Variants in INPP4B observed in about 807,000 individuals in gnomAD.
INPP4B encodes inositol polyphosphate 4-phosphatase type II.
Under a neutral mutation model 122.5 loss-of-function variants are expected in INPP4B, and 55 were observed. The observed-to-expected ratio is 0.45, with a 90% CI of 0.36 to 0.56. INPP4B has a LOEUF of 0.56. Ranked by LOEUF, INPP4B falls within the 20% of genes least tolerant of loss-of-function variation. The pLI, the probability that INPP4B is intolerant of heterozygous loss-of-function variation, is 0.00. For missense variants in INPP4B, 1,000 were observed against 1,097.7 expected (o/e 0.91, Z 1.26); for synonymous variants, 403 against 388.7 (o/e 1.04, Z -0.43).
At chr4:142,407,945 A>T (rs1160813748) in intron 5 of INPP4B, among the ~76,000 whole-genome samples, 4 of 152,224 alleles carry the variant, frequency 2.6e-5, no homozygotes, top group Non-Finnish European at 5.9e-5. Flanking sequence ...ATCAACATTT[A>T]CCAATATCTG....
chr4:142,176,116 CTTTTA>C, intron 15 of INPP4B, among the ~76,000 whole-genome samples: 1 of 50,776 alleles, frequency 2.0e-5, no homozygotes, highest in African/African-American at 5.8e-5. Flanking sequence ...TGACTGCTTT[CTTTTA>C]TTATTATTAT....
chr4:142,378,372 C>G (rs1792792533), intron 7 of INPP4B, among the ~76,000 whole-genome samples: 1 of 152,140 alleles, frequency 6.6e-6, no homozygotes, highest in Non-Finnish European at 1.5e-5. Flanking sequence ...GTTTAAAAAC[C>G]TTGCTCGGGC....
At chr4:142,678,510 A>T (rs1048800647) in intron 2 of INPP4B, among the ~76,000 whole-genome samples, 11 of 151,986 alleles carry the variant, frequency 7.2e-5, no homozygotes, top group African/African-American at 2.2e-4. Flanking sequence ...TTACAAATTT[A>T]GATTTGGAAC....
At chr4:142,567,354 A>C (rs555011071) in intron 2 of INPP4B, among the ~76,000 whole-genome samples, 2 of 152,198 alleles carry the variant, frequency 1.3e-5, no homozygotes. Flanking sequence ...ACAGGAAAGG[A>C]GGGGCAGGGC....
intron 1 of INPP4B, among the ~76,000 whole-genome samples, chr4:142,754,369 A>G (rs1770184516): frequency 6.6e-6 from 1 of 151,834 alleles, no homozygotes; most frequent in African/African-American, 2.4e-5. Flanking sequence ...ATTGCTTGGA[A>G]CCCAAATCAT....
At chr4:142,185,857 C>T (rs1006896141) in intron 15 of INPP4B, among the ~76,000 whole-genome samples, 15 of 130,982 alleles carry the variant, frequency 1.1e-4, no homozygotes, top group African/African-American at 3.0e-4. Context: ...ACCTCCTGGG[C>T]GACAGAGCAA....
intron 1 of INPP4B, among the ~76,000 whole-genome samples, chr4:142,825,011 C>T (rs1275477623): frequency 6.6e-6 from 1 of 151,884 alleles, no homozygotes; most frequent in Admixed American, 6.6e-5. Context: ...ATTATGACAA[C>T]CTTGTGAAAT....
At chr4:142,760,431 A>G (rs989211074) in intron 1 of INPP4B, among the ~76,000 whole-genome samples, 2 of 152,170 alleles carry the variant, frequency 1.3e-5, no homozygotes, top group African/African-American at 4.8e-5. Context: ...GTTTTATTCA[A>G]ATAGACAATT....
chr4:142,124,658 T>C lies in INPP4B; in HGVS notation c.1823A>G (p.Gln608Arg). The change falls in exon 19 of 26, where the codon CAG becomes CGG. Residue 608 changes from glutamine to arginine, a missense_variant. By Grantham distance (43) the Gln-to-Arg change is conservative. Coordinates refer to ENST00000262992, the MANE Select transcript of INPP4B (RefSeq NM_001101669.3). ...CTGGGGCAAGCTGTACGCAAGTTCCTGAAGGAGCACAAATGTCAGGGACTG... is the reference window on the plus strand; with the variant it reads ...CTGGGGCAAGCTGTACGCAAGTTCCCGAAGGAGCACAAATGTCAGGGACTG... ...AKQSLTFVLL[Q>R]ELAYSLPQCL... is the part of the protein sequence containing the mutation. The C allele has an allele frequency of 6.2e-7, 1 of 1,613,492 alleles. No homozygotes were observed. Among genetic ancestry groups the C allele is most frequent in the African/African-American group, 1.3e-5 (1 of 75,002 alleles).
intron 22 of INPP4B, among the ~76,000 whole-genome samples, chr4:142,108,742 G>T (rs1181880018): frequency 1.3e-5 from 2 of 152,036 alleles, no homozygotes; most frequent in Non-Finnish European, 2.9e-5. Context: ...AAGTCAAATG[G>T]TTCTGTACAC....
chr4:142,603,516 TA>T (rs1027895074), intron 2 of INPP4B, among the ~76,000 whole-genome samples: 2 of 149,930 alleles, frequency 1.3e-5, no homozygotes, highest in Admixed American at 1.3e-4. Context: ...AATCAGAAAT[TA>T]AAAAAGGTGA....
rs575296447 is a variant in INPP4B at position 142,063,295 on chromosome 4, G to C, written c.2642+18736C>G. Among the ~76,000 whole-genome samples, 154 of 152,206 alleles carry C rather than the reference G, an allele frequency of 1.0e-3. 1 individual carries two copies. The highest frequency in any genetic ancestry group is 3.7e-3 in the African/African-American group (152 of 41,524). On this transcript the variant is annotated intron_variant, in intron 25 of 25. Coordinates refer to ENST00000262992, the MANE Select transcript of INPP4B (RefSeq NM_001101669.3). ...GAAAAGAATGCCCTGCCTGACTGAA[G>C]ACCCATACTATCCACCCTGCCCAGG...
chr4:142,765,000 T>C (rs757880882), intron 1 of INPP4B, among the ~76,000 whole-genome samples: 1 of 151,980 alleles, frequency 6.6e-6, no homozygotes, highest in Admixed American at 6.6e-5. Flanking sequence ...TTGAAAAAAG[T>C]GAAAAACATT....
At chr4:142,232,354 T>A (rs1854762069) in intron 12 of INPP4B, among the ~76,000 whole-genome samples, 1 of 152,184 alleles carries the variant, frequency 6.6e-6, no homozygotes, top group South Asian at 2.1e-4. Context: ...TTACTTCCTA[T>A]CTCTGTGTCA....
chr4:142,810,118 C>A (rs1038646625), intron 1 of INPP4B, among the ~76,000 whole-genome samples: 1 of 146,030 alleles, frequency 6.8e-6, no homozygotes, highest in African/African-American at 2.6e-5. Flanking sequence ...TGCAGTGAGC[C>A]GAGATCGCGC....
chr4:142,615,243 G>C (rs1189252484), intron 2 of INPP4B, among the ~76,000 whole-genome samples: 1 of 152,044 alleles, frequency 6.6e-6, no homozygotes, highest in Non-Finnish European at 1.5e-5. Flanking sequence ...ACTGCACTTT[G>C]GTTTTATACA....
intron 2 of INPP4B, among the ~76,000 whole-genome samples, chr4:142,495,523 T>G (rs57724540): frequency 0.16 from 24,249 of 151,908 alleles, 2,259 homozygotes; most frequent in East Asian, 0.39. Context: ...AATATATATA[T>G]ATATATTCTT....
intron 1 of INPP4B, among the ~76,000 whole-genome samples, chr4:142,797,173 T>C (rs1347482019): frequency 4.6e-5 from 7 of 152,038 alleles, no homozygotes; most frequent in Admixed American, 2.6e-4. Flanking sequence ...ATGTTCCTAG[T>C]GTCCTTATAA....
chr4:142,576,932 T>C (rs1206223625), intron 2 of INPP4B, among the ~76,000 whole-genome samples: 1 of 152,044 alleles, frequency 6.6e-6, no homozygotes, highest in Non-Finnish European at 1.5e-5. Context: ...GAGTGATGTG[T>C]CCATGTACAC....
Sources: allele counts gnomAD v4.1 joint callset (sites outside exome capture counted in the v4.1 genomes callset), GRCh38; gene constraint gnomAD v4.1.1; transcripts MANE v1.5; gene names NCBI Gene and HGNC (gene_info 2026-07-23, HGNC 2026-07-21).